MTMR12: variants seen among roughly 807,000 people sequenced by gnomAD.
MTMR12 encodes myotubularin related protein 12.
MTMR12 carries 33 observed loss-of-function variants against 96.7 expected under a neutral mutation model. The observed-to-expected ratio is 0.34, with a 90% CI of 0.26 to 0.46. The LOEUF (loss-of-function observed/expected upper bound fraction) is 0.46, where lower values mean the gene tolerates loss of function less well. MTMR12 is among the 20% of genes least tolerant of loss of function. The pLI, the probability that MTMR12 is intolerant of heterozygous loss-of-function variation, is 1.00. For synonymous variants in MTMR12, 298 were observed against 327.2 expected (o/e 0.91, Z 0.96); for missense variants, 721 against 896.1 (o/e 0.80, Z 2.49).
chr5:32,252,387 G>T (rs1466564533), intron 8 of MTMR12, among the ~76,000 whole-genome samples: 1 of 152,220 alleles, frequency 6.6e-6, no homozygotes, highest in Non-Finnish European at 1.5e-5. Flanking sequence ...AAGATTCTGT[G>T]AATGAAATGA....
rs376561653 is a variant in MTMR12, at chr5:32,242,150, A to T, written c.1101-23T>A. The T allele has an allele frequency of 4.4e-6, 7 of 1,578,542 alleles. No individual in the cohort carries two copies. The African/African-American group carries it at 9.4e-5, about 21-fold the overall frequency. On this transcript the variant is annotated intron_variant, in intron 11 of 15. Transcript: ENST00000382142. ...CGTCTGAATAGGAAAGAGACAAGAA[A>T]AAGGGGCATTAGTTCATGAGCTTGG...
chr5:32,310,964 C>G (rs532067170), intron 1 of MTMR12, among the ~76,000 whole-genome samples: 1 of 151,630 alleles, frequency 6.6e-6, no homozygotes, highest in Non-Finnish European at 1.5e-5. Context: ...ACCTCTGCCT[C>G]CTGGGTTCAA....
chr5:32,270,213 A>G (rs567953031), intron 5 of MTMR12, among the ~76,000 whole-genome samples: 1 of 152,228 alleles, frequency 6.6e-6, no homozygotes, highest in Non-Finnish European at 1.5e-5. Flanking sequence ...TCAAAAAAAA[A>G]AGAAAAAAAA....
intron 3 of MTMR12, among the ~76,000 whole-genome samples, chr5:32,273,502 C>A (rs1435401571): frequency 1.3e-5 from 2 of 152,104 alleles, no homozygotes; most frequent in Non-Finnish European, 2.9e-5. Flanking sequence ...ATAGAGAAAA[C>A]GTGGGGAACT....
At chr5:32,272,370 G>A (rs1407751941) in intron 3 of MTMR12, among the ~76,000 whole-genome samples, 1 of 152,202 alleles carries the variant, frequency 6.6e-6, no homozygotes, top group African/African-American at 2.4e-5. Flanking sequence ...AAGTATGTGA[G>A]AAAAGCTCCT....
At chr5:32,242,483 GCTTTA>G (rs1748516030) in intron 11 of MTMR12, among the ~76,000 whole-genome samples, 2 of 152,128 alleles carry the variant, frequency 1.3e-5, no homozygotes, top group Admixed American at 6.5e-5. Flanking sequence ...TGTCCAGATT[GCTTTA>G]CTTAAGGTGA....
intron 1 of MTMR12, among the ~76,000 whole-genome samples, chr5:32,295,085 C>G (rs1365896261): frequency 1.3e-5 from 2 of 152,204 alleles, no homozygotes; most frequent in African/African-American, 4.8e-5. Flanking sequence ...AAAACCAAAA[C>G]AGGATTTGTT....
intron 1 of MTMR12, among the ~76,000 whole-genome samples, chr5:32,287,544 C>CACAT (rs758275199): frequency 5.3e-5 from 8 of 152,236 alleles, no homozygotes; most frequent in East Asian, 1.9e-4. Context: ...TATATATATA[C>CACAT]ACATACATAC....
At chr5:32,310,902 C>G (rs1286230722) in intron 1 of MTMR12, among the ~76,000 whole-genome samples, 2 of 146,510 alleles carry the variant, frequency 1.4e-5, no homozygotes, top group African/African-American at 5.0e-5. Context: ...GAGATGGAGT[C>G]TCGCTCTGTC....
In MTMR12 at chr5:32,235,092, T is replaced by G; in HGVS notation, c.1382A>C (p.Gln461Pro). Reference sequence around the variant, plus strand: ...TGCCGGGGGATGCTGGTGCACCAGCTGCCAGACACAATCTAGGAAAAGCAG... The same window carrying G: ...TGCCGGGGGATGCTGGTGCACCAGCGGCCAGACACAATCTAGGAAAAGCAG... ...VFLLFLDCVW[Q>P]LVHQHPPAFE... Residue 461 changes from glutamine to proline, a missense_variant, in exon 14 of 16, where the codon CAG (glutamine) becomes CCG (proline). Physicochemically the swap from Gln to Pro is moderately conservative, Grantham distance 76. Coordinates refer to ENST00000382142, the MANE Select transcript of MTMR12 (RefSeq NM_001040446.3). The G allele has an allele frequency of 6.2e-7, 1 of 1,613,830 alleles. No homozygotes were observed. Among genetic ancestry groups the G allele is most frequent in the Non-Finnish European group, 8.5e-7 (1 of 1,179,920 alleles).
In MTMR12 at chr5:32,289,764, C is replaced by T. The variant is rs150501420; in HGVS notation, c.82-13022G>A. 1.8e-3 allele frequency among the ~76,000 whole-genome samples: 279 copies of T among 152,316 alleles called. 1 individual carries two copies. The highest frequency in any genetic ancestry group is 6.4e-3 in the African/African-American group (268 of 41,572). On this transcript the variant is annotated intron_variant, in intron 1 of 15. Transcript: ENST00000382142. Reference sequence around the variant, plus strand: ...TACTTAGCAACTGGCAGAACCCCCACATTCGTTCCCTAACTGGTAGGGTGA... The same window carrying T: ...TACTTAGCAACTGGCAGAACCCCCATATTCGTTCCCTAACTGGTAGGGTGA...
intron 14 of MTMR12, among the ~76,000 whole-genome samples, chr5:32,234,490 G>A (rs1039777473): frequency 6.6e-6 from 1 of 152,224 alleles, no homozygotes. Context: ...CTTCACAGAG[G>A]AGTTCCAGGC....
At chr5:32,272,356 G>A (rs1194544854) in intron 3 of MTMR12, among the ~76,000 whole-genome samples, 1 of 152,016 alleles carries the variant, frequency 6.6e-6, no homozygotes, top group East Asian at 1.9e-4. Context: ...AAAAAGGGAC[G>A]ATGAAGTATG....
In MTMR12 at chr5:32,284,712, CTGTGA is replaced by C. The variant is rs879742591; in HGVS notation, c.82-7975_82-7971del. Among the ~76,000 whole-genome samples, 952 of 152,318 alleles carry C rather than the reference CTGTGA, an allele frequency of 6.3e-3. 38 individuals carry two copies. The highest frequency in any genetic ancestry group is 0.058 in the Admixed American group (882 of 15,292). Reference sequence around the variant, plus strand: ...GATGTTGACAACCTTACTTCTGCAGCTGTGAAACACGAGGTAACATTCCTCACTTA... The same window carrying C: ...GATGTTGACAACCTTACTTCTGCAGCAACACGAGGTAACATTCCTCACTTA... On this transcript the variant is annotated intron_variant, in intron 1 of 15. Coordinates refer to ENST00000382142, the MANE Select transcript of MTMR12 (RefSeq NM_001040446.3).
Position 32,227,211 on chromosome 5 carries a change from A to G in MTMR12, c.*2567T>C, listed in dbSNP as rs889004907. On this transcript the variant is annotated 3_prime_UTR_variant, in exon 16 of 16. Transcript: ENST00000382142. ...AAACTTGGAGGTATAAACAAACTCA[A>G]GATATTATATACAGTAAATTAATTT... The G allele has an allele frequency of 6.5e-6, 1 of 152,680 alleles. No individual in the cohort carries two copies. The highest frequency in any genetic ancestry group is 2.4e-5 in the African/African-American group (1 of 41,460). 9.5% of individuals were successfully genotyped at this position (152,680 alleles called of 1,614,324 possible).
chr5:32,298,792 C>CA (rs1010145582), intron 1 of MTMR12, among the ~76,000 whole-genome samples: 2,472 of 144,506 alleles, frequency 0.017, 64 homozygotes, highest in African/African-American at 0.056. Flanking sequence ...ACTAAAAATA[C>CA]AAAAAAAAAA....
In MTMR12 at chr5:32,243,613, A is replaced by T. The variant is rs1387045519; in HGVS notation, c.1022-14T>A. 1.3e-6 allele frequency: 2 copies of T among 1,537,412 alleles called. No homozygotes were observed. ...CAGTACTGTTATCTGAAAAAAGAAA[A>T]AGGAGTAAAGACGTCAGGTCATTGT... is the stretch of plus-strand genomic sequence containing the variant. On this transcript the variant is annotated splice_polypyrimidine_tract_variant and intron_variant, in intron 10 of 15. Transcript: ENST00000382142.
intron 9 of MTMR12, among the ~76,000 whole-genome samples, chr5:32,248,348 T>C (rs527969340): frequency 7.6e-4 from 116 of 152,314 alleles, no homozygotes; most frequent in African/African-American, 2.7e-3. Context: ...ATTTATAAAC[T>C]GATAGAACCA....
At chr5:32,263,434 T>C (rs983874213) in intron 6 of MTMR12, among the ~76,000 whole-genome samples, 192 bp from the exon 7 acceptor site, 5 of 143,298 alleles carry the variant, frequency 3.5e-5, no homozygotes, top group African/African-American at 8.2e-5. Flanking sequence ...CTGAGTCTCT[T>C]TTTTTTTTTT....
Sources: allele counts gnomAD v4.1 joint callset (sites outside exome capture counted in the v4.1 genomes callset), GRCh38; gene constraint gnomAD v4.1.1; transcripts MANE v1.5; gene names NCBI Gene and HGNC (gene_info 2026-07-23, HGNC 2026-07-21).